LONRF3: variants seen among roughly 807,000 people sequenced by gnomAD.
LONRF3 encodes the protein LON peptidase N-terminal domain and RING finger protein 3.
Under a neutral mutation model 51.7 loss-of-function variants are expected in LONRF3, and 19 were observed. That is an observed-to-expected ratio of 0.37 (90% confidence interval 0.26 to 0.54). LONRF3 has a LOEUF of 0.54. Ranked by LOEUF, LONRF3 falls within the 20% of genes least tolerant of loss-of-function variation. The pLI is 0.86. For missense variants in LONRF3, 521 were observed against 623.9 expected, an observed-to-expected ratio of 0.84 and a Z score of 1.76; for synonymous variants, 265 against 257.8, an observed-to-expected ratio of 1.03 and a Z score of -0.27.
At chrX:119,012,980 GC>G in intron 8 of LONRF3, 58 bp from the exon 9 acceptor site, 1 of 1,202,161 alleles carries the variant, frequency 8.3e-7, no homozygotes, top group Non-Finnish European at 1.1e-6. Flanking sequence ...CTGGGTGCCA[GC>G]CCAGGGAAAC....
intron 10 of LONRF3, among the ~76,000 whole-genome samples, chrX:119,015,182 A>G (rs1224252863): frequency 9.0e-6 from 1 of 111,648 alleles, no homozygotes; most frequent in Middle Eastern, 4.2e-3. Flanking sequence ...ATCTCTTCCT[A>G]TGCTCCAAGC....
In LONRF3 at chrX:119,011,112, T is replaced by TAA. The variant is rs753631329; in HGVS notation, c.1653-687_1653-686dup. Among the ~76,000 whole-genome samples, 113 of 86,452 alleles carry TAA rather than the reference T, an allele frequency of 1.3e-3. 1 individual carries two copies. The highest frequency in any genetic ancestry group is 4.6e-3 in the African/African-American group (109 of 23,626). The allele number at this position is 86,452 out of a possible 115,157, so 75.1% of individuals were successfully genotyped here. On this transcript the variant is annotated intron_variant, in intron 7 of 10. Coordinates refer to ENST00000371628, the MANE Select transcript of LONRF3 (RefSeq NM_001031855.3). ...CTGGGTGACAGAGTGAGACTCCGCT[T>TAA]AAAAAAAAAAAAAAAAAGAAAAAGA...
intron 2 of LONRF3, 45 bp downstream of exon 2, chrX:118,978,508 A>G: frequency 2.3e-6 from 2 of 880,934 alleles, no homozygotes; most frequent in Non-Finnish European, 1.6e-6. Flanking sequence ...TACTGTAGAC[A>G]GGTATTGGCA....
Position 118,990,687 on chromosome X carries a change from CACA to C in LONRF3, c.1415+130_1415+132del, listed in dbSNP as rs1422692927. The C allele has an allele frequency of 5.9e-6, 3 of 505,468 alleles. No individual in the cohort carries two copies. The East Asian group carries it at 1.1e-4, about 19-fold the overall frequency. 41.7% of individuals were successfully genotyped at this position (505,468 alleles called of 1,213,427 possible). ...AGCATAGCTCTAACGGAATGGAAAT[CACA>C]ACGTTGATTGTCACATGGGTCAGCT... On this transcript the variant is annotated intron_variant, in intron 5 of 10. Transcript: ENST00000371628.
chrX:118,998,875 G>T (rs924097968), intron 5 of LONRF3, among the ~76,000 whole-genome samples: 1 of 111,196 alleles, frequency 9.0e-6, no homozygotes, highest in African/African-American at 3.3e-5. Context: ...GGTCAGGCTG[G>T]TCTTGAACTC....
intron 4 of LONRF3, among the ~76,000 whole-genome samples, chrX:118,990,075 A>G (rs1923311810): frequency 8.9e-6 from 1 of 111,892 alleles, no homozygotes; most frequent in Non-Finnish European, 1.9e-5. Flanking sequence ...TCCCATAGGT[A>G]GGCATGTGAG....
At chrX:118,987,403 G>A (rs933748485) in intron 3 of LONRF3, among the ~76,000 whole-genome samples, 3 of 103,496 alleles carry the variant, frequency 2.9e-5, no homozygotes, top group Non-Finnish European at 5.9e-5. Context: ...TCAGCCTCCC[G>A]AGTAGCTGGG....
Position 118,975,427 on chromosome X carries a change from G to GGCA in LONRF3, c.653_655dup (p.Gln218dup), listed in dbSNP as rs976946183. 6.7e-6 allele frequency: 8 copies of GGCA among 1,188,177 alleles called. No homozygotes were observed. The highest frequency in any genetic ancestry group is 2.3e-5 in the Admixed American group (1 of 42,904). On this transcript the variant is annotated inframe_insertion, in exon 1 of 11. Coordinates refer to ENST00000371628, the MANE Select transcript of LONRF3 (RefSeq NM_001031855.3). ...CGGGCGCGTGGAGCCCGGCGGGCTG[G>GGCA]GCAGCAGCCGCCGCCGCCGCTGCGA... is the stretch of plus-strand genomic sequence containing the variant.
intron 1 of LONRF3, among the ~76,000 whole-genome samples, chrX:118,975,988 C>T (rs1569474397): frequency 8.9e-6 from 1 of 112,360 alleles, no homozygotes; most frequent in East Asian, 2.8e-4. Flanking sequence ...CTCTGACTCT[C>T]CTTCTCCCGC....
intron 8 of LONRF3, chrX:119,012,786 C>T (rs1445370859): frequency 2.9e-6 from 2 of 698,279 alleles, no homozygotes; most frequent in Non-Finnish European, 4.0e-6. Context: ...AGGAGGCAAA[C>T]ATTCAAACCA....
At chrX:118,979,527 C>T (rs760911733) in intron 2 of LONRF3, among the ~76,000 whole-genome samples, 1 of 106,744 alleles carries the variant, frequency 9.4e-6, no homozygotes, top group East Asian at 4.1e-4. Context: ...TGGCCTCAAG[C>T]AATCCACTTG....
chrX:118,989,165 T>A (rs1162606498), intron 3 of LONRF3, among the ~76,000 whole-genome samples: 1 of 111,595 alleles, frequency 9.0e-6, no homozygotes, highest in Non-Finnish European at 1.9e-5. Flanking sequence ...CATACCTTCC[T>A]GTCCTTGCCT....
chrX:118,995,120 C>T (rs1201296196), intron 5 of LONRF3, among the ~76,000 whole-genome samples: 1 of 112,008 alleles, frequency 8.9e-6, no homozygotes, highest in African/African-American at 3.2e-5. Flanking sequence ...TTTAAGAGAA[C>T]TGAAATTATA....
chrX:118,996,574 A>T (rs1207218879), intron 5 of LONRF3, among the ~76,000 whole-genome samples: 1 of 111,725 alleles, frequency 9.0e-6, no homozygotes, highest in Non-Finnish European at 1.9e-5. Flanking sequence ...CTGCAAAAAA[A>T]TAAAATATTT....
intron 9 of LONRF3, 85 bp downstream of exon 9, chrX:119,013,286 G>A (rs1925232747): frequency 1.0e-6 from 1 of 968,058 alleles, no homozygotes; most frequent in Admixed American, 3.0e-5. Flanking sequence ...GGATTTCTCA[G>A]AACCCTTGAG....
chrX:119,000,056 A>T lies in LONRF3; in HGVS notation c.1416-6065A>T, dbSNP rs753114644. On this transcript the variant is annotated intron_variant, in intron 5 of 10. Coordinates refer to ENST00000371628, the MANE Select transcript of LONRF3 (RefSeq NM_001031855.3). ...TCAAACACATGCTTCAGCTTGAATT[A>T]TGATAGCCTTGACAAAGCTTTTGAT... 1.9e-3 allele frequency among the ~76,000 whole-genome samples: 218 copies of T among 112,282 alleles called. 2 individuals are homozygous for T. Among genetic ancestry groups the T allele is most frequent in the South Asian group, 8.5e-3 (23 of 2,691 alleles).
intron 7 of LONRF3, among the ~76,000 whole-genome samples, chrX:119,011,109 G>A (rs1925075198): frequency 2.0e-5 from 2 of 98,160 alleles, no homozygotes; most frequent in Non-Finnish European, 2.0e-5. Flanking sequence ...GTGAGACTCC[G>A]CTTAAAAAAA....
chrX:119,006,545 C>T (rs908764107), intron 6 of LONRF3, among the ~76,000 whole-genome samples: 6 of 105,858 alleles, frequency 5.7e-5, no homozygotes, highest in Middle Eastern at 5.0e-3. Flanking sequence ...GGATTACAGG[C>T]GCATGCCACC....
chrX:118,975,403 G>C lies in LONRF3; in HGVS notation c.623G>C (p.Arg208Pro), dbSNP rs1182645624. ...TCCGCCTTGATGGTGGCCACTGGGC[G>C]GGCGCGTGGAGCCCGGCGGGCTGGG... Reference protein sequence around the residue: ...KLSALMVATGRARGARRAGQQ... With the variant: ...KLSALMVATGPARGARRAGQQ... Residue 208 changes from arginine (R) to proline (P), a missense_variant, in exon 1 of 11, where the codon CGG (arginine) becomes CCG (proline). By Grantham distance (103) the Arg-to-Pro change is moderately radical. This residue lies in a region of LONRF3 where 376 missense variants were observed against 376.7 expected (regional missense o/e 1.00). Coordinates refer to ENST00000371628, the MANE Select transcript of LONRF3 (RefSeq NM_001031855.3). The C allele has an allele frequency of 1.7e-6, 2 of 1,199,668 alleles. No homozygotes were observed. The highest frequency in any genetic ancestry group is 1.8e-5 in the South Asian group (1 of 55,693).
Sources: allele counts gnomAD v4.1 joint callset (sites outside exome capture counted in the v4.1 genomes callset), GRCh38; gene constraint gnomAD v4.1.1; regional missense constraint gnomAD v4.1.1; transcripts MANE v1.5; gene names NCBI Gene and HGNC (gene_info 2026-07-23, HGNC 2026-07-21).